Variants in FHIT observed in about 807,000 individuals in gnomAD.
FHIT encodes bis(5'-adenosyl)-triphosphatase.
A neutral mutation model predicts 17.9 loss-of-function variants in FHIT; 19 were observed. That is an observed-to-expected ratio of 1.06 (90% CI 0.74 to 1.56). The LOEUF (loss-of-function observed/expected upper bound fraction) is 1.56, where lower values mean the gene tolerates loss of function less well. Ranked by LOEUF, FHIT falls within the 40% of genes most tolerant of loss-of-function variation. FHIT has a pLI of 0.00. For synonymous variants in FHIT, 81 were observed against 69.7 expected (o/e 1.16, Z -0.81); for missense variants, 248 against 189.2 (o/e 1.31, Z -1.82).
chr3:61,128,319 T>C (rs2036669325), intron 2 of FHIT, among the ~76,000 whole-genome samples: 2 of 152,192 alleles, frequency 1.3e-5, no homozygotes, highest in African/African-American at 4.8e-5. Context: ...GGCATATTAC[T>C]TAACATCCCC....
chr3:60,252,426 T>C lies in FHIT; in HGVS notation c.104-238274A>G, dbSNP rs1054377144. On this transcript the variant is annotated intron_variant, in intron 5 of 9. Coordinates refer to ENST00000492590, the MANE Select transcript of FHIT (RefSeq NM_002012.4). Reference sequence around the variant, plus strand: ...AAAAATTTAAAAAATTAGCAGATCATAATGGCAACTGCCTGTAGTCCCAGC... The same window carrying C: ...AAAAATTTAAAAAATTAGCAGATCACAATGGCAACTGCCTGTAGTCCCAGC... Among the ~76,000 whole-genome samples the C allele has an allele frequency of 6.5e-4, 99 of 152,062 alleles. 1 individual carries two copies. The highest frequency in any genetic ancestry group is 6.8e-3 in the Middle Eastern group (2 of 294).
Position 59,958,185 on chromosome 3 carries a change from T to C in FHIT, c.280-35771A>G, listed in dbSNP as rs188325233. Among the ~76,000 whole-genome samples, 41 of 152,332 alleles carry C rather than the reference T, an allele frequency of 2.7e-4. No homozygotes were observed. In the East Asian group the frequency reaches 7.1e-3, roughly 26 times the overall value. ...ACTGGAAAGTAGGCAGTGTTGAAAA[T>C]CATGACAAAATTGGCACATATCTTG... On this transcript the variant is annotated intron_variant, in intron 7 of 9. Coordinates refer to ENST00000492590, the MANE Select transcript of FHIT (RefSeq NM_002012.4).
At chr3:60,258,065 TAC>T (rs67553597) in intron 5 of FHIT, among the ~76,000 whole-genome samples, 5,715 of 144,552 alleles carry the variant, frequency 0.04, 139 homozygotes, top group Middle Eastern at 0.072. Flanking sequence ...GGAAATTAAA[TAC>T]ACACACACAC....
rs369385393 is a variant in FHIT, at chr3:60,824,255, G to C, written c.-110-2244C>G. Among the ~76,000 whole-genome samples, 11 of 152,304 alleles carry C rather than the reference G, an allele frequency of 7.2e-5. 1 individual carries two copies. The highest frequency in any genetic ancestry group is 3.3e-4 in the Admixed American group (5 of 15,304). ...GTAGCACACAGGAGAGTGAAAACTG[G>C]TCAGTCCTATGCGAAATATTTTGAA... On this transcript the variant is annotated intron_variant, in intron 3 of 9. Coordinates refer to ENST00000492590, the MANE Select transcript of FHIT (RefSeq NM_002012.4).
At chr3:59,858,695 G>A (rs1702281428) in intron 8 of FHIT, among the ~76,000 whole-genome samples, 1 of 152,056 alleles carries the variant, frequency 6.6e-6, no homozygotes, top group Non-Finnish European at 1.5e-5. Context: ...AGTGTGTGAG[G>A]AAGCAGAGCA....
chr3:60,162,744 A>T, intron 5 of FHIT, among the ~76,000 whole-genome samples: 1 of 152,186 alleles, frequency 6.6e-6, no homozygotes, highest in East Asian at 1.9e-4. Context: ...CAGAGCCAAC[A>T]TTTTTTAGTC....
At chr3:60,039,170 A>T (rs1385260763) in intron 5 of FHIT, among the ~76,000 whole-genome samples, 1 of 152,182 alleles carries the variant, frequency 6.6e-6, no homozygotes, top group Non-Finnish European at 1.5e-5. Context: ...GGTGGCTTCA[A>T]GGTAGCCAGA....
At chr3:60,526,958 C>A (rs776758117) in intron 5 of FHIT, among the ~76,000 whole-genome samples, 1 of 152,186 alleles carries the variant, frequency 6.6e-6, no homozygotes, top group Non-Finnish European at 1.5e-5. Context: ...TTTGTCCTCA[C>A]GTATCCTCTC....
chr3:60,060,997 T>G (rs1186479379), intron 5 of FHIT, among the ~76,000 whole-genome samples: 12 of 152,220 alleles, frequency 7.9e-5, no homozygotes, highest in African/African-American at 2.7e-4. Context: ...AGGACTTTGT[T>G]TATAGTGGTG....
intron 5 of FHIT, among the ~76,000 whole-genome samples, chr3:60,076,927 A>C (rs905624848): frequency 6.6e-6 from 1 of 152,100 alleles, no homozygotes; most frequent in African/African-American, 2.4e-5. Flanking sequence ...CAAGGAAAAC[A>C]ATAACTGAAA....
intron 5 of FHIT, among the ~76,000 whole-genome samples, chr3:60,138,558 G>C (rs1019584880): frequency 1.3e-5 from 2 of 152,016 alleles, no homozygotes; most frequent in African/African-American, 4.8e-5. Flanking sequence ...CTATCATCTA[G>C]GCTCCCTGCC....
intron 4 of FHIT, among the ~76,000 whole-genome samples, chr3:60,728,745 A>T (rs530483054): frequency 2.0e-5 from 3 of 151,914 alleles, no homozygotes; most frequent in African/African-American, 7.3e-5. Context: ...GGCATGCAAC[A>T]GTTGTCCTAA....
chr3:60,833,701 C>T lies in FHIT; in HGVS notation c.-110-11690G>A, dbSNP rs532020003. ...CTTGGAAAGCTATTACACAGTAACA[C>T]AACCAAGATATTGACAATGACACAT... On this transcript the variant is annotated intron_variant, in intron 3 of 9. Coordinates refer to ENST00000492590, the MANE Select transcript of FHIT (RefSeq NM_002012.4). Among the ~76,000 whole-genome samples the T allele has an allele frequency of 2.6e-5, 4 of 152,276 alleles. No homozygotes were observed. The South Asian group carries it at 8.3e-4, about 32-fold the overall frequency.
chr3:60,003,017 T>C (rs1057292304), intron 7 of FHIT, among the ~76,000 whole-genome samples: 2 of 152,166 alleles, frequency 1.3e-5, no homozygotes, highest in African/African-American at 2.4e-5. Flanking sequence ...ATGCTAAAGA[T>C]AATAAAGCAA....
At chr3:60,137,074 T>G (rs1699846135) in intron 5 of FHIT, among the ~76,000 whole-genome samples, 1 of 152,212 alleles carries the variant, frequency 6.6e-6, no homozygotes, top group African/African-American at 2.4e-5. Context: ...AATTTTCTAT[T>G]TCAAAATACA....
intron 5 of FHIT, among the ~76,000 whole-genome samples, chr3:60,507,611 A>G (rs2034786732): frequency 6.6e-6 from 1 of 152,238 alleles, no homozygotes; most frequent in South Asian, 2.1e-4. Flanking sequence ...AGATTATTTC[A>G]TCACCCAGGT....
At chr3:60,563,140 A>G (rs1276738555) in intron 4 of FHIT, among the ~76,000 whole-genome samples, 1 of 152,182 alleles carries the variant, frequency 6.6e-6, no homozygotes, top group Non-Finnish European at 1.5e-5. Context: ...GCAAGCATGG[A>G]GAAACCACAC....
In FHIT at chr3:59,874,101, C is replaced by T. The variant is rs191081902; in HGVS notation, c.348+48245G>A. Among the ~76,000 whole-genome samples, 17 of 152,178 alleles carry T rather than the reference C, an allele frequency of 1.1e-4. No individual in the cohort carries two copies. The East Asian group carries it at 1.4e-3, about 12-fold the overall frequency. On this transcript the variant is annotated intron_variant, in intron 8 of 9. Coordinates refer to ENST00000492590, the MANE Select transcript of FHIT (RefSeq NM_002012.4). The stretch of plus-strand genomic sequence containing the variant: ...AAATGTGAGGATCATAAGCTATCCT[C>T]GCCTCTCAAAAAAGAATCACAAAAA...
intron 5 of FHIT, among the ~76,000 whole-genome samples, chr3:60,119,746 G>C (rs1288845614): frequency 1.3e-5 from 2 of 152,034 alleles, no homozygotes; most frequent in South Asian, 2.1e-4. Context: ...TACCTCTTCA[G>C]GCTTTTTTCC....
Sources: allele counts gnomAD v4.1 joint callset (sites outside exome capture counted in the v4.1 genomes callset), GRCh38; gene constraint gnomAD v4.1.1; transcripts MANE v1.5; gene names NCBI Gene and HGNC (gene_info 2026-07-23, HGNC 2026-07-21).